THOP1: variants seen among roughly 807,000 people sequenced by gnomAD.
THOP1 encodes the protein thimet oligopeptidase.
A neutral mutation model predicts 71.8 loss-of-function variants in THOP1; 49 were observed. That is an observed-to-expected ratio of 0.68 (90% CI 0.54 to 0.87). The LOEUF (loss-of-function observed/expected upper bound fraction) is 0.87, where lower values mean the gene tolerates loss of function less well. Ranked by LOEUF, THOP1 falls within the 40% of genes least tolerant of loss-of-function variation. THOP1 has a pLI of 0.00. For synonymous variants in THOP1, 426 were observed against 421.5 expected (o/e 1.01, Z -0.13); for missense variants, 843 against 975.6 (o/e 0.86, Z 1.81).
At chr19:2,793,036 G>A (rs1268001454) in intron 2 of THOP1, among the ~76,000 whole-genome samples, 4 of 152,062 alleles carry the variant, frequency 2.6e-5, no homozygotes, top group East Asian at 3.9e-4. Flanking sequence ...TTATCCGGGC[G>A]TGGTGGCGCA....
chr19:2,790,681 G>T, intron 2 of THOP1, 48 bp downstream of exon 2: 1 of 1,466,942 alleles, frequency 6.8e-7, no homozygotes, highest in East Asian at 2.4e-5. Context: ...GCCGAGGGAG[G>T]TGGCACCGCA....
intron 1 of THOP1, among the ~76,000 whole-genome samples, chr19:2,789,219 C>T (rs1461975660): frequency 6.6e-6 from 1 of 152,186 alleles, no homozygotes; most frequent in Non-Finnish European, 1.5e-5. Context: ...CCCCTGGGTC[C>T]TCTGCAGAAC....
rs1313082435 is a variant in THOP1 at position 2,801,886 on chromosome 19, C to A, written c.589+2095C>A. 6.6e-6 allele frequency among the ~76,000 whole-genome samples: 1 copy of A among 152,058 alleles called. No individual in the cohort carries two copies. The highest frequency in any genetic ancestry group is 1.5e-5 in the Non-Finnish European group (1 of 67,976). Reference sequence around the variant, plus strand: ...TCATCCATGAATCCATGAATGGATTCATCCATTCCTGAAGGCAGAGGCCAC... The same window carrying A: ...TCATCCATGAATCCATGAATGGATTAATCCATTCCTGAAGGCAGAGGCCAC... On this transcript the variant is annotated intron_variant, in intron 5 of 12. Transcript: ENST00000307741. The surrounding 1 kb of genome is among the most constrained non-coding windows in gnomAD (Gnocchi z 5.1).
chr19:2,804,094 C>T lies in THOP1; in HGVS notation c.590-922C>T, dbSNP rs531673659. ...CCTGGGGTCGGAGTGAGCTCCCGAT[C>T]ATTCTTTCCACTCTGACCGCCCTGG... On this transcript the variant is annotated intron_variant, in intron 5 of 12. Coordinates refer to ENST00000307741, the MANE Select transcript of THOP1 (RefSeq NM_003249.5). The surrounding 1 kb of genome is among the most constrained non-coding windows in gnomAD (Gnocchi z 4.7). Among the ~76,000 whole-genome samples the T allele has an allele frequency of 6.6e-6, 1 of 152,340 alleles. No individual in the cohort carries two copies. The highest frequency in any genetic ancestry group is 1.9e-4 in the East Asian group (1 of 5,178).
intron 4 of THOP1, among the ~76,000 whole-genome samples, chr19:2,797,007 G>A (rs746415706): frequency 3.3e-5 from 5 of 152,192 alleles, no homozygotes; most frequent in Non-Finnish European, 2.9e-5. Flanking sequence ...GAGCAGTGGC[G>A]ACCGCCACTG....
chr19:2,803,907 G>A (rs374945078), intron 5 of THOP1, among the ~76,000 whole-genome samples: 18 of 152,038 alleles, frequency 1.2e-4, no homozygotes, highest in African/African-American at 4.4e-4. Context: ...GTGAGCTCCC[G>A]ATCATTCTTT....
At chr19:2,797,006 C>T (rs1916031762) in intron 4 of THOP1, among the ~76,000 whole-genome samples, 2 of 152,160 alleles carry the variant, frequency 1.3e-5, no homozygotes, top group African/African-American at 2.4e-5. Context: ...AGAGCAGTGG[C>T]GACCGCCACT....
chr19:2,808,488 G>A (rs749472770), intron 9 of THOP1, 44 bp downstream of exon 9: 2 of 1,535,326 alleles, frequency 1.3e-6, no homozygotes, highest in South Asian at 1.2e-5. Context: ...GGCAGGGGCA[G>A]GGGCTGCCTG....
rs561480390 is a variant in THOP1, at chr19:2,815,429, G to A, written c.*2153G>A. ...AGCCCCCCGCGGTGCTTCGCAAGTTGGGCCGCCTCCCCCAGCATGTCCCCT... is the reference window on the plus strand; with the variant it reads ...AGCCCCCCGCGGTGCTTCGCAAGTTAGGCCGCCTCCCCCAGCATGTCCCCT... On this transcript the variant is annotated 3_prime_UTR_variant, in exon 13 of 13. Coordinates refer to ENST00000307741, the MANE Select transcript of THOP1 (RefSeq NM_003249.5). 6 of 152,582 alleles carry A rather than the reference G, an allele frequency of 3.9e-5. No individual in the cohort carries two copies. Among genetic ancestry groups the A allele is most frequent in the African/African-American group, 1.4e-4 (6 of 41,576 alleles). The allele number at this position is 152,582 out of a possible 1,614,324, so 9.5% of individuals were successfully genotyped here.
chr19:2,812,236 G>A, intron 12 of THOP1: 15 of 1,533,296 alleles, frequency 9.8e-6, no homozygotes, highest in African/African-American at 1.4e-5. Flanking sequence ...CGCCATGTGA[G>A]CCTGTGCCTC....
At chr19:2,794,532 G>A (rs562862420) in intron 2 of THOP1, among the ~76,000 whole-genome samples, 2 of 152,270 alleles carry the variant, frequency 1.3e-5, no homozygotes, top group African/African-American at 4.8e-5. Flanking sequence ...TTTTTCTTCG[G>A]TCTGTAAGAT....
chr19:2,800,647 C>T (rs576655598), intron 5 of THOP1, among the ~76,000 whole-genome samples: 2 of 152,350 alleles, frequency 1.3e-5, no homozygotes, highest in African/African-American at 4.8e-5. Context: ...AGGGAACACT[C>T]GCAGGTCGGG....
chr19:2,789,737 C>T (rs1463494792), intron 1 of THOP1, among the ~76,000 whole-genome samples: 1 of 152,028 alleles, frequency 6.6e-6, no homozygotes, highest in Non-Finnish European at 1.5e-5. Flanking sequence ...GGTGTCTCCA[C>T]TCTAGGGCAG....
Position 2,801,266 on chromosome 19 carries a change from G to A in THOP1, c.589+1475G>A, listed in dbSNP as rs1285683255. Among the ~76,000 whole-genome samples the A allele has an allele frequency of 6.6e-6, 1 of 152,140 alleles. No homozygotes were observed. The highest frequency in any genetic ancestry group is 1.5e-5 in the Non-Finnish European group (1 of 68,032). On this transcript the variant is annotated intron_variant, in intron 5 of 12. Transcript: ENST00000307741. This position sits in a 1 kb window ranked among gnomAD's most constrained non-coding sequence, Gnocchi z 5.1. Reference sequence around the variant, plus strand: ...GGCATCAGCCAGCTGGTTCTGCACAGACTCTGCTGGCTCATGTGGGTTCCA... The same window carrying A: ...GGCATCAGCCAGCTGGTTCTGCACAAACTCTGCTGGCTCATGTGGGTTCCA...
In THOP1 at chr19:2,807,477, C is replaced by T; in HGVS notation, c.922C>T (p.Gln308Ter). The T allele has an allele frequency of 6.2e-7, 1 of 1,607,292 alleles. No individual in the cohort carries two copies. Among genetic ancestry groups the T allele is most frequent in the Non-Finnish European group, 8.5e-7 (1 of 1,177,276 alleles). ...LAQKLKPLGEQERAVILELKR... is the reference protein window; with the variant it reads ...LAQKLKPLGE Reference sequence around the variant, plus strand: ...GCAGAAGCTGAAGCCCCTGGGGGAGCAGGAGCGTGCGGTGATTCTGGAGCT... The same window carrying T: ...GCAGAAGCTGAAGCCCCTGGGGGAGTAGGAGCGTGCGGTGATTCTGGAGCT... The change falls in exon 8 of 13, where the codon CAG (glutamine) becomes TAG (stop). Residue 308 changes from glutamine (Q) to a stop codon, truncating the protein, a stop_gained. Transcript: ENST00000307741. LOFTEE classifies it high-confidence loss of function.
intron 1 of THOP1, among the ~76,000 whole-genome samples, chr19:2,787,521 CTCT>C (rs1915775962): frequency 6.6e-6 from 1 of 152,204 alleles, no homozygotes; most frequent in African/African-American, 2.4e-5. Flanking sequence ...GCCCCTGAAG[CTCT>C]TCTTTACCCC....
intron 2 of THOP1, among the ~76,000 whole-genome samples, chr19:2,792,470 C>G (rs1490572533): frequency 6.6e-6 from 1 of 150,910 alleles, no homozygotes; most frequent in African/African-American, 2.4e-5. Context: ...CAGCCCACCC[C>G]CCCTCTAAAC....
chr19:2,785,892 G>A (rs983473062), intron 1 of THOP1, among the ~76,000 whole-genome samples: 1 of 152,230 alleles, frequency 6.6e-6, no homozygotes, highest in Non-Finnish European at 1.5e-5. Flanking sequence ...AAAGTTGATG[G>A]CGCTTCCCTT....
At position 2,807,735 on chromosome 19, in the gene THOP1, G is replaced by A. The variant is rs747637020; in HGVS notation, c.1180G>A (p.Val394Met). The change falls in exon 8 of 13, where the codon GTG becomes ATG. Residue 394 changes from valine to methionine, a missense_variant. By Grantham distance (21) the Val-to-Met change is conservative. Transcript: ENST00000307741. ...EEGASAWHEDVRLYTARDAAS... is the reference protein window; with the variant it reads ...EEGASAWHEDMRLYTARDAAS... Reference sequence around the variant, plus strand: ...GGGCGCCAGTGCCTGGCATGAGGACGTGCGGCTCTACACCGCGAGGGACGC... The same window carrying A: ...GGGCGCCAGTGCCTGGCATGAGGACATGCGGCTCTACACCGCGAGGGACGC... 11 of 1,591,128 alleles carry A rather than the reference G, an allele frequency of 6.9e-6. No homozygotes were observed. Among genetic ancestry groups the A allele is most frequent in the African/African-American group, 2.7e-5 (2 of 74,488 alleles).
Sources: gnomAD v4.1 joint callset for allele counts (sites outside exome capture counted in the v4.1 genomes callset) on GRCh38, gnomAD v4.1.1 for gene constraint, Gnocchi (gnomAD v3.1) non-coding constraint, MANE v1.5 for transcripts, NCBI Gene and HGNC (gene_info 2026-07-23, HGNC 2026-07-21) for gene names.